Variants in RBFOX1 observed in about 807,000 individuals in gnomAD.
RBFOX1 encodes RNA binding fox-1 homolog 1, also known as RNA binding protein fox-1 homolog 1.
RBFOX1 carries 8 observed loss-of-function variants against 57.7 expected under a neutral mutation model. The observed-to-expected ratio is 0.14, with a 90% CI of 0.08 to 0.25. The LOEUF (loss-of-function observed/expected upper bound fraction) is 0.25, where lower values mean the gene tolerates loss of function less well. Among genes scored for constraint, RBFOX1 ranks in the 10% least tolerant of loss-of-function variants. RBFOX1 has a pLI of 1.00. For missense variants in RBFOX1, 611 were observed against 548.5 expected (o/e 1.11, Z -1.14); for synonymous variants, 326 against 222.4 (o/e 1.47, Z -4.15).
intron 3 of RBFOX1, among the ~76,000 whole-genome samples, chr16:7,039,431 A>T (rs2045495392): frequency 6.6e-6 from 1 of 152,168 alleles, no homozygotes; most frequent in South Asian, 2.1e-4. Context: ...TATTTTCTCA[A>T]GTGTATTTTG....
intron 3 of RBFOX1, among the ~76,000 whole-genome samples, chr16:6,893,006 T>G (rs2065894316): frequency 6.6e-6 from 1 of 152,156 alleles, no homozygotes; most frequent in South Asian, 2.1e-4. Context: ...CAATTACTTT[T>G]CATTGCAAAC....
chr16:6,984,222 A>G (rs969497700), intron 3 of RBFOX1, among the ~76,000 whole-genome samples: 5 of 152,098 alleles, frequency 3.3e-5, no homozygotes. Context: ...ACTCCAGCCT[A>G]CGCAACAAGA....
intron 4 of RBFOX1, among the ~76,000 whole-genome samples, chr16:7,089,269 A>G (rs1010832786): frequency 6.6e-6 from 1 of 152,232 alleles, no homozygotes; most frequent in African/African-American, 2.4e-5. Context: ...TTTGAAATAT[A>G]AAATCACTAG....
chr16:7,696,613 G>T (rs1280040623), intron 14 of RBFOX1, among the ~76,000 whole-genome samples: 1 of 151,870 alleles, frequency 6.6e-6, no homozygotes, highest in Non-Finnish European at 1.5e-5. Flanking sequence ...TGGGGACATA[G>T]CATTAAATGA....
chr16:6,443,601 C>A (rs1333284596), intron 2 of RBFOX1, among the ~76,000 whole-genome samples: 3 of 152,202 alleles, frequency 2.0e-5, no homozygotes, highest in African/African-American at 7.2e-5. Flanking sequence ...GATGTCCTCA[C>A]AAGCTCATTG....
At chr16:7,086,692 G>C (rs563917060) in intron 4 of RBFOX1, among the ~76,000 whole-genome samples, 2 of 143,074 alleles carry the variant, frequency 1.4e-5, no homozygotes, top group African/African-American at 5.4e-5. Context: ...CTAGGTCTGC[G>C]ATTGCAAAGA....
intron 2 of RBFOX1, among the ~76,000 whole-genome samples, chr16:6,478,660 C>G (rs1385525457): frequency 6.6e-6 from 1 of 151,390 alleles, no homozygotes; most frequent in South Asian, 2.1e-4. Context: ...CACTTAGAGG[C>G]TATTGTAAGG....
At chr16:5,720,923 A>G (rs558485825) in intron 3 of RBFOX1, among the ~76,000 whole-genome samples, 2 of 152,290 alleles carry the variant, frequency 1.3e-5, no homozygotes, top group South Asian at 4.1e-4. Flanking sequence ...AATCCCTTGT[A>G]TTTCTCAGTG....
chr16:6,280,855 C>G (rs4786848), intron 1 of RBFOX1, among the ~76,000 whole-genome samples: 10 of 151,714 alleles, frequency 6.6e-5, no homozygotes, highest in Middle Eastern at 6.8e-3. Flanking sequence ...GTGGCTATTT[C>G]CTTTTCCTTT....
Position 7,439,302 on chromosome 16 carries a change from T to C in RBFOX1, c.28-78845T>C, listed in dbSNP as rs1464428245. Among the ~76,000 whole-genome samples, 13 of 151,816 alleles carry C rather than the reference T, an allele frequency of 8.6e-5. 1 individual carries two copies. The East Asian group carries it at 2.3e-3, about 27-fold the overall frequency. ...CCAGTGACGGTGATTTGAACCTTCA[T>C]GTCCCTCTTTTCATGGAACGTCATG... On this transcript the variant is annotated intron_variant, in intron 4 of 15. Coordinates refer to ENST00000550418, the MANE Select transcript of RBFOX1 (RefSeq NM_018723.4).
intron 3 of RBFOX1, among the ~76,000 whole-genome samples, chr16:6,925,562 C>T (rs528709455): frequency 2.6e-5 from 4 of 151,826 alleles, no homozygotes; most frequent in Admixed American, 2.0e-4. Context: ...ACTGACATAG[C>T]TCTAGCATTA....
At chr16:5,810,284 C>G (rs1288176364) in intron 3 of RBFOX1, among the ~76,000 whole-genome samples, 2 of 151,938 alleles carry the variant, frequency 1.3e-5, no homozygotes, top group African/African-American at 4.8e-5. Context: ...ATGTAACTAA[C>G]CTGCACATTG....
At chr16:5,784,991 C>A (rs751350869) in intron 3 of RBFOX1, among the ~76,000 whole-genome samples, 1 of 152,156 alleles carries the variant, frequency 6.6e-6, no homozygotes, top group African/African-American at 2.4e-5. Context: ...CAGGGAGGGA[C>A]CTACTTCACT....
intron 4 of RBFOX1, among the ~76,000 whole-genome samples, chr16:7,377,208 T>C (rs1256869801): frequency 6.6e-6 from 1 of 152,220 alleles, no homozygotes; most frequent in Non-Finnish European, 1.5e-5. Flanking sequence ...TTCTATTCCA[T>C]TCATGGAGAT....
chr16:6,778,860 T>A (rs971924406), intron 3 of RBFOX1, among the ~76,000 whole-genome samples: 1 of 145,544 alleles, frequency 6.9e-6, no homozygotes, highest in African/African-American at 2.6e-5. Flanking sequence ...CACCACACAC[T>A]CTAGTTTTTT....
chr16:6,933,920 G>C (rs1028144853), intron 3 of RBFOX1, among the ~76,000 whole-genome samples: 1 of 152,132 alleles, frequency 6.6e-6, no homozygotes, highest in Non-Finnish European at 1.5e-5. Flanking sequence ...CAGTGTTTGA[G>C]TGATTAAAAA....
chr16:5,996,396 A>G (rs7202335), intron 4 of RBFOX1, among the ~76,000 whole-genome samples: 14,435 of 151,944 alleles, frequency 0.095, 869 homozygotes, highest in East Asian at 0.29. Context: ...CCTTAATTAC[A>G]TATTCAGAAC....
At chr16:6,857,774 C>T (rs912818172) in intron 3 of RBFOX1, among the ~76,000 whole-genome samples, 1 of 152,126 alleles carries the variant, frequency 6.6e-6, no homozygotes, top group South Asian at 2.1e-4. Flanking sequence ...TTTGTTCTGT[C>T]AGCACTTTCT....
At chr16:5,687,475 A>G (rs1376884529) in intron 3 of RBFOX1, among the ~76,000 whole-genome samples, 3 of 152,380 alleles carry the variant, frequency 2.0e-5, no homozygotes, top group South Asian at 2.1e-4. Context: ...TAAATTAGAC[A>G]GCAAAGATAA....
Sources: allele counts gnomAD v4.1 joint callset (sites outside exome capture counted in the v4.1 genomes callset), GRCh38; gene constraint gnomAD v4.1.1; transcripts MANE v1.5; gene names NCBI Gene and HGNC (gene_info 2026-07-23, HGNC 2026-07-21).